Variants in GRM3 observed in about 807,000 individuals in gnomAD.
The protein encoded by GRM3 is metabotropic glutamate receptor 3.
A neutral mutation model predicts 70.5 loss-of-function variants in GRM3; 26 were observed. The ratio of observed to expected loss-of-function variants is 0.37; its 90% CI spans 0.27 to 0.51. GRM3 has a LOEUF of 0.51. Among genes scored for constraint, GRM3 ranks in the 20% least tolerant of loss-of-function variants. The probability of loss-of-function intolerance (pLI) is 0.93; values close to 1 mark genes in which losing one functional copy is unlikely to be tolerated. For missense variants in GRM3, 859 were observed against 1,123.8 expected (o/e 0.76, Z 3.37); for synonymous variants, 443 against 434.9 (o/e 1.02, Z -0.23).
At chr7:86,782,198 C>A (rs1294050201) in intron 2 of GRM3, among the ~76,000 whole-genome samples, 1 of 144,082 alleles carries the variant, frequency 6.9e-6, no homozygotes, top group African/African-American at 2.7e-5. Context: ...TTCACCCTGT[C>A]CCTTTCACCC....
At chr7:86,862,457 G>A (rs1271964536) in intron 5 of GRM3, among the ~76,000 whole-genome samples, 1 of 152,072 alleles carries the variant, frequency 6.6e-6, no homozygotes, top group Non-Finnish European at 1.5e-5. Context: ...TATTTATCTG[G>A]CACATACTGT....
intron 3 of GRM3, among the ~76,000 whole-genome samples, chr7:86,804,443 C>T (rs1448233211): frequency 6.6e-6 from 1 of 152,150 alleles, no homozygotes; most frequent in African/African-American, 2.4e-5. Context: ...GAGTCTTGCT[C>T]TTGTCGCCCA....
chr7:86,716,763 A>T (rs373953594), intron 1 of GRM3, among the ~76,000 whole-genome samples: 1 of 151,924 alleles, frequency 6.6e-6, no homozygotes, highest in Non-Finnish European at 1.5e-5. Context: ...TAATTTACAT[A>T]AGATTATAAG....
chr7:86,781,602 G>A (rs1017221133), intron 2 of GRM3, among the ~76,000 whole-genome samples: 1 of 152,020 alleles, frequency 6.6e-6, no homozygotes, highest in Admixed American at 6.6e-5. Flanking sequence ...TAGGCTTTCT[G>A]CCTATTAGTT....
intron 3 of GRM3, among the ~76,000 whole-genome samples, chr7:86,837,798 C>T (rs1798486947): frequency 6.6e-6 from 1 of 152,110 alleles, no homozygotes; most frequent in Admixed American, 6.5e-5. Context: ...GTCTATTTAC[C>T]AACACAGGCA....
At chr7:86,727,461 A>G (rs981093797) in intron 1 of GRM3, among the ~76,000 whole-genome samples, 3 of 152,194 alleles carry the variant, frequency 2.0e-5, no homozygotes, top group East Asian at 1.9e-4. Flanking sequence ...CTGTCAGCCT[A>G]TTATAGCTGA....
At position 86,700,918 on chromosome 7, in the gene GRM3, C is replaced by T. The variant is rs374570892; in HGVS notation, c.-141+56046C>T. Reference sequence around the variant, plus strand: ...TAACTTACCCTCTACTAATTAGAAACGTATCATTTCAAACAGATTAATTGA... The same window carrying T: ...TAACTTACCCTCTACTAATTAGAAATGTATCATTTCAAACAGATTAATTGA... On this transcript the variant is annotated intron_variant, in intron 1 of 5. Transcript: ENST00000361669. Among the ~76,000 whole-genome samples the T allele has an allele frequency of 5.3e-5, 8 of 151,948 alleles. No homozygotes were observed. The East Asian group carries it at 7.7e-4, about 15-fold the overall frequency.
chr7:86,694,448 C>T (rs796087935), intron 1 of GRM3, among the ~76,000 whole-genome samples: 4 of 134,512 alleles, frequency 3.0e-5, no homozygotes, highest in African/African-American at 1.1e-4. Context: ...GGAAGTGGGG[C>T]TTGCAGTTAG....
At chr7:86,681,328 G>T (rs901223758) in intron 1 of GRM3, among the ~76,000 whole-genome samples, 2 of 152,090 alleles carry the variant, frequency 1.3e-5, no homozygotes, top group Non-Finnish European at 2.9e-5. Flanking sequence ...TGGCCAAGGG[G>T]ATTGGGCCAT....
intron 1 of GRM3, among the ~76,000 whole-genome samples, chr7:86,735,960 A>G (rs1795847761): frequency 6.6e-6 from 1 of 152,216 alleles, no homozygotes; most frequent in Non-Finnish European, 1.5e-5. Context: ...ACTGAGTTCA[A>G]GTGAAATATA....
At chr7:86,774,682 G>A (rs967049167) in intron 2 of GRM3, among the ~76,000 whole-genome samples, 1 of 84,602 alleles carries the variant, frequency 1.2e-5, no homozygotes, top group African/African-American at 5.0e-5. Flanking sequence ...GGGTTGAATT[G>A]TCAGTGTGTT....
intron 1 of GRM3, among the ~76,000 whole-genome samples, chr7:86,733,036 C>T (rs574142110): frequency 4.2e-4 from 64 of 152,176 alleles, no homozygotes; most frequent in Admixed American, 1.2e-3. Flanking sequence ...CTGAGATGGC[C>T]GGGCGTGGTG....
intron 1 of GRM3, among the ~76,000 whole-genome samples, chr7:86,742,596 G>A (rs890775690): frequency 2.0e-5 from 3 of 152,108 alleles, no homozygotes; most frequent in African/African-American, 4.8e-5. Context: ...GGGCTGGATT[G>A]GTACAGTTTA....
At chr7:86,698,520 T>TTATATATATATATATA (rs570784350) in intron 1 of GRM3, among the ~76,000 whole-genome samples, 13 of 142,158 alleles carry the variant, frequency 9.1e-5, no homozygotes, top group African/African-American at 3.5e-4. Flanking sequence ...TAAAAAGTAT[T>TTATATATATATATATA]TATATATATA....
intron 1 of GRM3, among the ~76,000 whole-genome samples, chr7:86,737,401 A>G (rs945041316): frequency 6.6e-6 from 1 of 152,202 alleles, no homozygotes; most frequent in East Asian, 1.9e-4. Flanking sequence ...ACCTAGGTCT[A>G]ATATTCCGAT....
At chr7:86,664,619 G>C (rs1004096418) in intron 1 of GRM3, among the ~76,000 whole-genome samples, 3 of 151,884 alleles carry the variant, frequency 2.0e-5, no homozygotes, top group African/African-American at 4.8e-5. Context: ...TTGTAACAAA[G>C]AATCCATTCA....
intron 1 of GRM3, among the ~76,000 whole-genome samples, chr7:86,696,278 C>T (rs1300480056): frequency 1.3e-5 from 2 of 152,108 alleles, no homozygotes; most frequent in Admixed American, 1.3e-4. Flanking sequence ...CCCGCATTAT[C>T]CAAGTGGGCT....
At chr7:86,751,643 T>C (rs1400497789) in intron 1 of GRM3, among the ~76,000 whole-genome samples, 1 of 152,092 alleles carries the variant, frequency 6.6e-6, no homozygotes, top group Non-Finnish European at 1.5e-5. Flanking sequence ...GCCTAAACTA[T>C]AAAGTTGCAA....
Position 86,845,197 on chromosome 7 carries a change from G to A in GRM3, c.2392-5173G>A, listed in dbSNP as rs138001220. On this transcript the variant is annotated intron_variant, in intron 4 of 5. Coordinates refer to ENST00000361669, the MANE Select transcript of GRM3 (RefSeq NM_000840.3). ...GAGCCACTGCACCCAGCCTCGTCCT[G>A]ATTTCTACAAGGCAACGCAGAGTGG... Among the ~76,000 whole-genome samples, 71 of 152,170 alleles carry A rather than the reference G, an allele frequency of 4.7e-4. 1 individual carries two copies. The highest frequency in any genetic ancestry group is 1.7e-3 in the African/African-American group (71 of 41,532).
Sources: allele counts gnomAD v4.1 joint callset (sites outside exome capture counted in the v4.1 genomes callset), GRCh38; gene constraint gnomAD v4.1.1; transcripts MANE v1.5; gene names NCBI Gene and HGNC (gene_info 2026-07-23, HGNC 2026-07-21).